Variants in API5 observed in about 807,000 individuals in gnomAD.
The protein encoded by API5 is FIF.
Under a neutral mutation model 71.9 loss-of-function variants are expected in API5, and 6 were observed. That is an observed-to-expected ratio of 0.08 (90% CI 0.05 to 0.16). The LOEUF (loss-of-function observed/expected upper bound fraction) is 0.16. Ranked by LOEUF, API5 falls within the 10% of genes least tolerant of loss-of-function variation. The pLI is 1.00. For missense variants in API5, 332 were observed against 612.8 expected, an observed-to-expected ratio of 0.54 and a Z score of 4.84; for synonymous variants, 189 against 221.3, an observed-to-expected ratio of 0.85 and a Z score of 1.30.
chr11:43,341,260 G>T (rs1855602853), intron 13 of API5, among the ~76,000 whole-genome samples: 1 of 152,104 alleles, frequency 6.6e-6, no homozygotes, highest in Non-Finnish European at 1.5e-5. Context: ...ATTTACATAT[G>T]ATTAAAAGTC....
chr11:43,315,257 C>G (rs920541113), intron 1 of API5, among the ~76,000 whole-genome samples: 3 of 152,122 alleles, frequency 2.0e-5, no homozygotes, highest in Non-Finnish European at 4.4e-5. Flanking sequence ...GCTAATTTCC[C>G]CAAAGCAGAT....
rs5743235 is a variant in API5, at chr11:43,326,335, G to A, written c.751-172G>A. Among the ~76,000 whole-genome samples, 61 of 151,840 alleles carry A rather than the reference G, an allele frequency of 4.0e-4. 1 individual carries two copies. In the South Asian group the frequency reaches 0.013, roughly 31 times the overall value. The stretch of plus-strand genomic sequence containing the variant: ...TCCATGAACTTATTGAAGCCCCTTC[G>A]TAGATCACCTATTGAGGTTATATCT... On this transcript the variant is annotated intron_variant, in intron 6 of 13. Coordinates refer to ENST00000531273, the MANE Select transcript of API5 (RefSeq NM_001142930.2).
At chr11:43,322,815 A>C (rs371335244) in intron 5 of API5, among the ~76,000 whole-genome samples, 2 of 152,186 alleles carry the variant, frequency 1.3e-5, no homozygotes, top group African/African-American at 4.8e-5. Flanking sequence ...AAAAAAGTAG[A>C]TCTTTAGCTG....
At chr11:43,332,681 C>T (rs1855297368) in intron 11 of API5, among the ~76,000 whole-genome samples, 1 of 152,088 alleles carries the variant, frequency 6.6e-6, no homozygotes, top group East Asian at 1.9e-4. Context: ...CCCAACCCCC[C>T]TCACTCTCAT....
In API5 at chr11:43,318,701, T is replaced by C; in HGVS notation, c.131T>C (p.Leu44Ser). The C allele has an allele frequency of 6.2e-7, 1 of 1,613,746 alleles. No individual in the cohort carries two copies. Among genetic ancestry groups the C allele is most frequent in the Non-Finnish European group, 8.5e-7 (1 of 1,179,992 alleles). The change falls in exon 2 of 14, where the codon TTA (leucine) becomes TCA (serine). Residue 44 changes from leucine to serine, a missense_variant. By Grantham distance (145) the Leu-to-Ser change is moderately radical. This residue lies in a region of API5 where 127 missense variants were observed against 237.6 expected (regional missense o/e 0.53). Transcript: ENST00000531273. The part of the protein sequence containing the change: ...GVKGGTKEKR[L>S]AAQFIPKFFK... ...AAAGGTGGTACTAAGGAAAAGCGAT[T>C]AGCAGCTCAATTTATTCCGAAATTC... is the stretch of plus-strand genomic sequence containing the variant.
intron 1 of API5, among the ~76,000 whole-genome samples, chr11:43,314,751 A>T (rs1854611449): frequency 6.6e-6 from 1 of 152,228 alleles, no homozygotes. Context: ...AATTGTAGGA[A>T]AACCGAAGAT....
In API5 at chr11:43,332,157, T is replaced by C. The variant is rs539306455; in HGVS notation, c.1278+1593T>C. On this transcript the variant is annotated intron_variant, in intron 11 of 13. Transcript: ENST00000531273. ...CTGTGTGTAGAGTGCTCTGTGAATA[T>C]AGGAATAAAGTCAGTTTCTCCTGCT... 3 of 152,274 alleles carry C rather than the reference T, an allele frequency of 2.0e-5. No individual in the cohort carries two copies. The South Asian group carries it at 6.2e-4, about 32-fold the overall frequency. The allele number at this position is 152,274 out of a possible 1,614,324, so 9.4% of individuals were successfully genotyped here. A position where few individuals can be genotyped will look rare whatever the true frequency, so the allele number is the denominator to read the frequency against.
At chr11:43,333,092 T>C (rs1293205292) in intron 11 of API5, among the ~76,000 whole-genome samples, 2 of 152,190 alleles carry the variant, frequency 1.3e-5, no homozygotes, top group African/African-American at 4.8e-5. Context: ...TCAAGAATTA[T>C]TGGAGCTATG....
chr11:43,332,942 C>T (rs1400720977), intron 11 of API5, among the ~76,000 whole-genome samples: 1 of 152,160 alleles, frequency 6.6e-6, no homozygotes, highest in Non-Finnish European at 1.5e-5. Context: ...AATATAAACT[C>T]AGGTGTGGTT....
intron 13 of API5, among the ~76,000 whole-genome samples, chr11:43,342,227 C>T (rs111259336): frequency 6.6e-5 from 10 of 152,276 alleles, no homozygotes; most frequent in Admixed American, 3.3e-4. Flanking sequence ...TGAATGTAGT[C>T]GGTACCTTGC....
chr11:43,337,303 G>A (rs1432550466), intron 13 of API5, among the ~76,000 whole-genome samples: 2 of 152,134 alleles, frequency 1.3e-5, no homozygotes, highest in Non-Finnish European at 2.9e-5. Flanking sequence ...CTCCAGCTGG[G>A]TGACCAAGCA....
chr11:43,326,636 A>G (rs2134360885), intron 7 of API5, 25 bp downstream of exon 7: 9 of 1,241,278 alleles, frequency 7.3e-6, no homozygotes, highest in East Asian at 2.3e-5. Context: ...CAGCTTTAGC[A>G]CTGATAAGGC....
intron 13 of API5, 124 bp from the exon 14 acceptor site, chr11:43,342,304 A>T: frequency 1.3e-6 from 1 of 757,050 alleles, no homozygotes; most frequent in East Asian, 2.5e-5. Flanking sequence ...ATTGAATAGC[A>T]GAATATTAGT....
intron 13 of API5, among the ~76,000 whole-genome samples, chr11:43,341,519 G>A (rs1235561682): frequency 6.7e-6 from 1 of 150,242 alleles, no homozygotes; most frequent in Non-Finnish European, 1.5e-5. Flanking sequence ...TCTCACTCAT[G>A]TGGAAGTTTT....
intron 1 of API5, among the ~76,000 whole-genome samples, chr11:43,315,949 G>T (rs1854654643): frequency 1.3e-5 from 2 of 152,152 alleles, no homozygotes; most frequent in Admixed American, 1.3e-4. Context: ...AATCTTAAAA[G>T]TTAAAAAATG....
chr11:43,319,437 G>A (rs1458398542), intron 2 of API5, among the ~76,000 whole-genome samples: 1 of 151,622 alleles, frequency 6.6e-6, no homozygotes, highest in Non-Finnish European at 1.5e-5. Context: ...TACTTTTTTT[G>A]CTTTTTTAAT....
At chr11:43,337,007 C>CAAA (rs559170436) in intron 13 of API5, among the ~76,000 whole-genome samples, 21 of 66,814 alleles carry the variant, frequency 3.1e-4, no homozygotes, top group African/African-American at 5.7e-4. Context: ...GACTCCGTCT[C>CAAA]AAAAAAAAAA....
intron 12 of API5, 127 bp from the exon 13 acceptor site, chr11:43,335,731 T>C (rs955994069): frequency 3.7e-6 from 4 of 1,084,750 alleles, no homozygotes; most frequent in Admixed American, 3.2e-5. Context: ...AAATGTTAAT[T>C]CCTTTTTTCT....
intron 12 of API5, 124 bp from the exon 13 acceptor site, chr11:43,335,733 CT>C (rs1855411413): frequency 6.2e-6 from 7 of 1,136,684 alleles, no homozygotes; most frequent in East Asian, 2.6e-5. Context: ...ATGTTAATTC[CT>C]TTTTTCTGAT....
Sources: allele counts gnomAD v4.1 joint callset (sites outside exome capture counted in the v4.1 genomes callset), GRCh38; gene constraint gnomAD v4.1.1; regional missense constraint gnomAD v4.1.1; transcripts MANE v1.5; gene names NCBI Gene and HGNC (gene_info 2026-07-23, HGNC 2026-07-21).